The following NMNAT2 variants were observed in gnomAD, a reference collection of about 807,000 sequenced individuals.
NMNAT2 encodes the protein nicotinamide/nicotinic acid mononucleotide adenylyltransferase 2.
In NMNAT2, 11 loss-of-function variants were observed where a neutral mutation model predicts 41.6. That is an observed-to-expected ratio of 0.26 (90% CI 0.17 to 0.44). NMNAT2 has a LOEUF of 0.44. Ranked by LOEUF, NMNAT2 falls within the 20% of genes least tolerant of loss-of-function variation. The probability of loss-of-function intolerance (pLI) is 1.00; values close to 1 mark genes in which losing one functional copy is unlikely to be tolerated. For missense variants in NMNAT2, 288 were observed against 407.7 expected (o/e 0.71, Z 2.53); for synonymous variants, 148 against 151.2 (o/e 0.98, Z 0.16).
chr1:183,335,972 A>G (rs951010647), intron 1 of NMNAT2, among the ~76,000 whole-genome samples: 1 of 152,218 alleles, frequency 6.6e-6, no homozygotes, highest in Non-Finnish European at 1.5e-5. Flanking sequence ...GACCTTCACA[A>G]CAAGGGTATC....
chr1:183,315,464 T>TTGTG (rs57796667), intron 1 of NMNAT2, among the ~76,000 whole-genome samples: 26 of 150,286 alleles, frequency 1.7e-4, no homozygotes, highest in African/African-American at 4.4e-4. Flanking sequence ...GTGTGTGCGC[T>TTGTG]TGTGTGTGTG....
chr1:183,378,189 T>C (rs1933540), intron 1 of NMNAT2, among the ~76,000 whole-genome samples: 78,425 of 151,802 alleles, frequency 0.52, 21,403 homozygotes, highest in East Asian at 0.65. Context: ...GTCAGAAGTT[T>C]GAAACCAGCC....
At chr1:183,390,651 A>G (rs555431330) in intron 1 of NMNAT2, among the ~76,000 whole-genome samples, 3 of 152,340 alleles carry the variant, frequency 2.0e-5, no homozygotes, top group African/African-American at 7.2e-5. Context: ...GCCTGGTGAG[A>G]TAAACCAAAG....
At chr1:183,335,695 C>G (rs1038030979) in intron 1 of NMNAT2, among the ~76,000 whole-genome samples, 1 of 152,214 alleles carries the variant, frequency 6.6e-6, no homozygotes, top group Non-Finnish European at 1.5e-5. Context: ...ATTGCGCATA[C>G]TCCTTTTTGC....
chr1:183,314,144 G>A (rs1571592344), intron 1 of NMNAT2, among the ~76,000 whole-genome samples: 2 of 152,196 alleles, frequency 1.3e-5, no homozygotes. Flanking sequence ...TTCAAACTTT[G>A]TGCAACTATT....
chr1:183,374,851 C>T (rs930778261), intron 1 of NMNAT2, among the ~76,000 whole-genome samples: 8 of 152,170 alleles, frequency 5.3e-5, no homozygotes, highest in Admixed American at 6.5e-5. Context: ...TCCCCAGATG[C>T]TCCCTTGTAG....
rs572785975 is a variant in NMNAT2, at chr1:183,259,760, C to T, written c.821+1242G>A. ...GACTACAGGCGGCTGCCACCACGCC[C>T]GGCTGATTTTTTGTATTTTTAGTGG... On this transcript the variant is annotated intron_variant, in intron 10 of 10. Transcript: ENST00000287713. Among the ~76,000 whole-genome samples the T allele has an allele frequency of 2.4e-4, 37 of 152,170 alleles. 1 individual carries two copies. Among genetic ancestry groups the T allele is most frequent in the South Asian group, 1.0e-3 (5 of 4,822 alleles).
At chr1:183,298,855 T>C (rs1281347402) in intron 1 of NMNAT2, among the ~76,000 whole-genome samples, 3 of 152,238 alleles carry the variant, frequency 2.0e-5, no homozygotes, top group African/African-American at 2.4e-5. Context: ...CAAAATGATA[T>C]GAAATTTAAT....
intron 1 of NMNAT2, among the ~76,000 whole-genome samples, chr1:183,333,979 G>T (rs953919929): frequency 1.3e-5 from 2 of 152,184 alleles, no homozygotes; most frequent in Admixed American, 6.5e-5. Context: ...TGATCTCATT[G>T]TTCCCAGTTA....
chr1:183,278,890 G>A (rs116810474), intron 7 of NMNAT2, among the ~76,000 whole-genome samples: 52 of 152,242 alleles, frequency 3.4e-4, no homozygotes, highest in African/African-American at 1.2e-3. Flanking sequence ...GCGGGTGATC[G>A]ACTGCCCTGG....
chr1:183,382,932 T>G (rs2101916849), intron 1 of NMNAT2, among the ~76,000 whole-genome samples: 1 of 152,172 alleles, frequency 6.6e-6, no homozygotes, highest in South Asian at 2.1e-4. Context: ...AATGCCCAAG[T>G]AGCGACTCTG....
In NMNAT2 at chr1:183,376,640, T is replaced by C. The variant is rs190679987; in HGVS notation, c.85+41543A>G. On this transcript the variant is annotated intron_variant, in intron 1 of 10. Transcript: ENST00000287713. ...AATCTAACATTGACCCTCCCAATTA[T>C]TTTTTATTTTAATTTTGCTGTCCCA... is the stretch of plus-strand genomic sequence containing the variant. 2.6e-5 allele frequency among the ~76,000 whole-genome samples: 4 copies of C among 152,342 alleles called. No individual in the cohort carries two copies. In the East Asian group the frequency reaches 7.7e-4, roughly 29 times the overall value.
intron 8 of NMNAT2, among the ~76,000 whole-genome samples, chr1:183,264,914 A>C (rs899161476): frequency 1.1e-4 from 17 of 151,856 alleles, no homozygotes; most frequent in Non-Finnish European, 2.5e-4. Context: ...CTCCTTTTCT[A>C]TCTGACCTTG....
At position 183,256,276 on chromosome 1, in the gene NMNAT2, G is replaced by A. The variant is rs187259557; in HGVS notation, c.822-3533C>T. ...CACAAAAAATTAGCTGGGCATGGTA[G>A]TGTGTGCCTGTAATCCCAGCTACTT... On this transcript the variant is annotated intron_variant, in intron 10 of 10. Transcript: ENST00000287713. 1.9e-3 allele frequency among the ~76,000 whole-genome samples: 285 copies of A among 152,090 alleles called. 1 individual carries two copies. The highest frequency in any genetic ancestry group is 6.0e-3 in the African/African-American group (248 of 41,508).
At chr1:183,322,115 G>A (rs919037533) in intron 1 of NMNAT2, among the ~76,000 whole-genome samples, 4 of 151,982 alleles carry the variant, frequency 2.6e-5, no homozygotes, top group South Asian at 2.1e-4. Flanking sequence ...ATGAGCCACC[G>A]CACCCAGCCT....
Position 183,362,030 on chromosome 1 carries a change from T to C in NMNAT2, c.85+56153A>G, listed in dbSNP as rs180947879. Among the ~76,000 whole-genome samples, 59 of 152,176 alleles carry C rather than the reference T, an allele frequency of 3.9e-4. 2 individuals are homozygous for C. The East Asian group carries it at 0.011, about 27-fold the overall frequency. ...TCGGCTCCCTGCAACCTCTGACCCC[T>C]AAGGTTCAAGCGATTCTCCTGCCTC... On this transcript the variant is annotated intron_variant, in intron 1 of 10. Coordinates refer to ENST00000287713, the MANE Select transcript of NMNAT2 (RefSeq NM_015039.4).
At chr1:183,346,173 C>T (rs1000260091) in intron 1 of NMNAT2, among the ~76,000 whole-genome samples, 6 of 152,166 alleles carry the variant, frequency 3.9e-5, no homozygotes, top group South Asian at 4.1e-4. Context: ...AGTAGTCCAT[C>T]TCTGTGATGG....
At chr1:183,321,162 C>T (rs568979569) in intron 1 of NMNAT2, among the ~76,000 whole-genome samples, 7 of 152,310 alleles carry the variant, frequency 4.6e-5, no homozygotes, top group Non-Finnish European at 1.0e-4. Context: ...CCCATTCCTT[C>T]GTCCCACCAG....
intron 1 of NMNAT2, among the ~76,000 whole-genome samples, chr1:183,316,858 T>C (rs779771496): frequency 1.3e-5 from 2 of 152,212 alleles, no homozygotes; most frequent in East Asian, 1.9e-4. Flanking sequence ...TTTCCACTTA[T>C]AGAAATTGAG....
Sources: allele counts gnomAD v4.1 joint callset (sites outside exome capture counted in the v4.1 genomes callset), GRCh38; gene constraint gnomAD v4.1.1; transcripts MANE v1.5; gene names NCBI Gene and HGNC (gene_info 2026-07-23, HGNC 2026-07-21).